Variants in FAM174B observed in about 807,000 individuals in gnomAD.
FAM174B encodes the protein membrane protein FAM174B.
FAM174B carries 12 observed loss-of-function variants against 10.9 expected under a neutral mutation model. The observed-to-expected ratio is 1.10, with a 90% CI of 0.71 to 1.79. FAM174B has a LOEUF of 1.79. Ranked by LOEUF, FAM174B falls within the 40% of genes most tolerant of loss-of-function variation. The pLI is 0.00. For synonymous variants in FAM174B, 132 were observed against 115.8 expected, an observed-to-expected ratio of 1.14 and a Z score of -0.90; for missense variants, 266 against 233.3, an observed-to-expected ratio of 1.14 and a Z score of -0.91.
At chr15:92,641,163 TCA>T (rs1411111794) in intron 1 of FAM174B, among the ~76,000 whole-genome samples, 1 of 152,182 alleles carries the variant, frequency 6.6e-6, no homozygotes, top group Non-Finnish European at 1.5e-5. Context: ...ATTTTGATCT[TCA>T]CAGAGATTCA....
intron 1 of FAM174B, among the ~76,000 whole-genome samples, chr15:92,636,334 C>T (rs2050856027): frequency 6.6e-6 from 1 of 152,044 alleles, no homozygotes; most frequent in Non-Finnish European, 1.5e-5. Context: ...TAATAATAGT[C>T]CCTAAAAGTT....
At chr15:92,629,933 C>T (rs981423357) in intron 2 of FAM174B, among the ~76,000 whole-genome samples, 3 of 152,184 alleles carry the variant, frequency 2.0e-5, no homozygotes, top group Non-Finnish European at 2.9e-5. Flanking sequence ...TGTGACTTTG[C>T]TCCTCCTTGC....
chr15:92,628,636 A>G (rs977868955), intron 2 of FAM174B, among the ~76,000 whole-genome samples: 3 of 152,082 alleles, frequency 2.0e-5, no homozygotes, highest in Non-Finnish European at 4.4e-5. Flanking sequence ...GCAAATTACA[A>G]CTAATGGGAT....
chr15:92,618,957 G>A lies in FAM174B; in HGVS notation c.*499C>T. ...TCTGACACAGGTAACGCCAAAATGA[G>A]GCCAGGACCTGACCAAGCCAAAAAA... On this transcript the variant is annotated 3_prime_UTR_variant, in exon 3 of 3. Coordinates refer to ENST00000327355, the MANE Select transcript of FAM174B (RefSeq NM_207446.3). 1 of 569,274 alleles carries A rather than the reference G, an allele frequency of 1.8e-6. No homozygotes were observed. 35.3% of individuals were successfully genotyped at this position (569,274 alleles called of 1,614,324 possible). A position where few individuals can be genotyped will look rare whatever the true frequency, so the allele number is the denominator to read the frequency against.
In FAM174B at chr15:92,646,723, T is replaced by A. The variant is rs72756121; in HGVS notation, c.344+8593A>T. Among the ~76,000 whole-genome samples the A allele has an allele frequency of 7.2e-3, 1,096 of 152,300 alleles. 7 individuals are homozygous for A. Among genetic ancestry groups the A allele is most frequent in the Middle Eastern group, 0.017 (5 of 294 alleles). On this transcript the variant is annotated intron_variant, in intron 1 of 2. Transcript: ENST00000327355. ...CTTCGCCTGCATAATAAAACCTTGG[T>A]CTCCACACCCACTTATCTTAACCCA...
At chr15:92,638,612 C>T (rs1380580501) in intron 1 of FAM174B, among the ~76,000 whole-genome samples, 1 of 152,224 alleles carries the variant, frequency 6.6e-6, no homozygotes, top group Non-Finnish European at 1.5e-5. Context: ...CCCTGCAATT[C>T]CCCTGTTGGT....
intron 1 of FAM174B, among the ~76,000 whole-genome samples, chr15:92,640,416 G>T (rs1596300761): frequency 6.6e-6 from 1 of 151,844 alleles, no homozygotes; most frequent in Non-Finnish European, 1.5e-5. Flanking sequence ...GCCGGGCATG[G>T]TGGTGGGCAC....
At chr15:92,631,718 G>C (rs1038499195) in intron 1 of FAM174B, among the ~76,000 whole-genome samples, 1 of 150,714 alleles carries the variant, frequency 6.6e-6, no homozygotes, top group Non-Finnish European at 1.5e-5. Context: ...GGATGGTCTC[G>C]ATCTCCTGAC....
intron 2 of FAM174B, among the ~76,000 whole-genome samples, chr15:92,628,514 C>A (rs2050769104): frequency 6.6e-6 from 1 of 151,914 alleles, no homozygotes; most frequent in African/African-American, 2.4e-5. Context: ...CTTGAGCCTG[C>A]AGATGTGGAA....
At chr15:92,626,139 A>AGTCTCGCTCTTTCAC (rs1555420571) in intron 2 of FAM174B, among the ~76,000 whole-genome samples, 11 of 137,334 alleles carry the variant, frequency 8.0e-5, no homozygotes, top group East Asian at 4.3e-4. Context: ...TTTTTTTGAG[A>AGTCTCGCTCTTTCAC]CCAGGCCGGA....
chr15:92,652,232 A>T (rs16974307), intron 1 of FAM174B, among the ~76,000 whole-genome samples: 116,255 of 152,088 alleles, frequency 0.76, 45,228 homozygotes, highest in East Asian at 0.97. Context: ...CTTGACTCTG[A>T]AGAGGGAATT....
intron 1 of FAM174B, among the ~76,000 whole-genome samples, chr15:92,639,421 G>A (rs2050876103): frequency 6.6e-6 from 1 of 152,210 alleles, no homozygotes; most frequent in South Asian, 2.1e-4. Context: ...TTCTGCTGGG[G>A]ATCTAAATGA....
chr15:92,647,241 C>T (rs2050934385), intron 1 of FAM174B, among the ~76,000 whole-genome samples: 1 of 152,208 alleles, frequency 6.6e-6, no homozygotes. Flanking sequence ...CCCATCTGGT[C>T]CTGGAAGAAC....
At chr15:92,643,646 G>A (rs2050906682) in intron 1 of FAM174B, among the ~76,000 whole-genome samples, 1 of 152,124 alleles carries the variant, frequency 6.6e-6, no homozygotes, top group Non-Finnish European at 1.5e-5. Flanking sequence ...CCCTCTGGCA[G>A]GAGACCCTTC....
intron 1 of FAM174B, among the ~76,000 whole-genome samples, chr15:92,647,117 T>C (rs906741855): frequency 6.6e-6 from 1 of 152,238 alleles, no homozygotes; most frequent in African/African-American, 2.4e-5. Context: ...AAAATGCTTA[T>C]CACAGAGTCC....
In FAM174B at chr15:92,630,264, A is replaced by G. The variant is rs774878830; in HGVS notation, c.426T>C (p.Asn142=). 13 of 1,613,680 alleles carry G rather than the reference A, an allele frequency of 8.1e-6. No homozygotes were observed. The highest frequency in any genetic ancestry group is 3.3e-4 in the Middle Eastern group (2 of 6,058). The stretch of plus-strand genomic sequence containing the variant: ...AGTCCTCATCTTCATCATCCTCTTC[A>G]TTTAGTGGCGCCATTTCCACTCGCT... ...PAERVEMAPL[N]EEDDEDEDST... is the part of the protein sequence containing the mutation. The change falls in exon 2 of 3, where the codon AAT becomes AAC. Residue 142 remains asparagine, a synonymous_variant. Transcript: ENST00000327355.
chr15:92,653,146 T>G (rs1003614822), intron 1 of FAM174B: 1 of 152,178 alleles, frequency 6.6e-6, no homozygotes, highest in Non-Finnish European at 1.5e-5. Context: ...CCTAACAAGA[T>G]TGCCTTCCTG....
intron 2 of FAM174B, among the ~76,000 whole-genome samples, chr15:92,629,496 AAAGAG>A (rs753124418): frequency 2.7e-4 from 41 of 152,314 alleles, no homozygotes; most frequent in Admixed American, 1.1e-3. Flanking sequence ...AGCGAGGCTG[AAAGAG>A]AAGTTTCTGT....
intron 1 of FAM174B, among the ~76,000 whole-genome samples, chr15:92,654,764 C>G (rs896550239): frequency 2.0e-5 from 3 of 146,600 alleles, no homozygotes; most frequent in Non-Finnish European, 3.0e-5. Context: ...ACCCCCCACA[C>G]TAGAAACTGC....
Sources: allele counts gnomAD v4.1 joint callset (sites outside exome capture counted in the v4.1 genomes callset), GRCh38; gene constraint gnomAD v4.1.1; transcripts MANE v1.5; gene names NCBI Gene and HGNC (gene_info 2026-07-23, HGNC 2026-07-21).